Variants in LRP1B observed in about 807,000 individuals in gnomAD.
LRP1B encodes low-density lipoprotein receptor-related protein 1B.
Under a neutral mutation model 556.6 loss-of-function variants are expected in LRP1B, and 217 were observed. The ratio of observed to expected loss-of-function variants is 0.39; its 90% CI spans 0.35 to 0.44. The LOEUF (loss-of-function observed/expected upper bound fraction) is 0.44, where lower values mean the gene tolerates loss of function less well. Ranked by LOEUF, LRP1B falls within the 20% of genes least tolerant of loss-of-function variation. LRP1B has a pLI of 1.00. For missense variants in LRP1B, 5,053 were observed against 5,620.8 expected, an observed-to-expected ratio of 0.90 and a Z score of 3.23; for synonymous variants, 2,047 against 1,865.8, an observed-to-expected ratio of 1.10 and a Z score of -2.50.
intron 8 of LRP1B, among the ~76,000 whole-genome samples, chr2:141,059,277 G>A (rs1468312897): frequency 6.6e-6 from 1 of 151,684 alleles, no homozygotes; most frequent in East Asian, 1.9e-4. Flanking sequence ...CAAATGTAGG[G>A]ACAGAATTGT....
At chr2:140,340,856 A>G (rs931845373) in intron 77 of LRP1B, among the ~76,000 whole-genome samples, 2 of 151,430 alleles carry the variant, frequency 1.3e-5, no homozygotes, top group Admixed American at 6.6e-5. Context: ...TGTGTCTATC[A>G]CCAGTGTTCC....
rs75445717 is a variant in LRP1B at position 140,317,516 on chromosome 2, C to T, written c.12641-2417G>A. 9.5e-3 allele frequency among the ~76,000 whole-genome samples: 1,428 copies of T among 149,714 alleles called. 61 individuals are homozygous for T. The East Asian group carries it at 0.13, about 14-fold the overall frequency. On this transcript the variant is annotated intron_variant, in intron 82 of 90. Transcript: ENST00000389484. ...AAATGGAGGGGTAGTTTTGAGGTGG[C>T]ATACTAAATTGAAGATGCCCTTGCA...
intron 87 of LRP1B, 96 bp downstream of exon 87, chr2:140,246,990 G>A: frequency 3.6e-6 from 3 of 834,490 alleles, no homozygotes; most frequent in Non-Finnish European, 5.8e-6. Context: ...AAAATTCCAT[G>A]AAGAAAGTGT....
intron 3 of LRP1B, among the ~76,000 whole-genome samples, chr2:141,265,170 C>T (rs1684840633): frequency 6.6e-6 from 1 of 152,310 alleles, no homozygotes; most frequent in Non-Finnish European, 1.5e-5. Context: ...CAGATGCTAC[C>T]AATGGAGGGG....
At chr2:141,060,163 A>G (rs1699296488) in intron 8 of LRP1B, among the ~76,000 whole-genome samples, 1 of 151,820 alleles carries the variant, frequency 6.6e-6, no homozygotes, top group South Asian at 2.1e-4. Flanking sequence ...TTTTTAGCAT[A>G]TATGACTCAT....
chr2:141,053,078 C>G (rs1278068086), intron 10 of LRP1B, among the ~76,000 whole-genome samples: 1 of 151,998 alleles, frequency 6.6e-6, no homozygotes, highest in Non-Finnish European at 1.5e-5. Flanking sequence ...CCATTATTTT[C>G]TTTGGTCATT....
chr2:140,443,749 T>C (rs1228031278), intron 65 of LRP1B, among the ~76,000 whole-genome samples: 1 of 152,182 alleles, frequency 6.6e-6, no homozygotes, highest in Non-Finnish European at 1.5e-5. Context: ...TGAATTTTGA[T>C]GGAAGATGGA....
At chr2:140,565,047 G>A (rs1227753598) in intron 43 of LRP1B, among the ~76,000 whole-genome samples, 1 of 142,292 alleles carries the variant, frequency 7.0e-6, no homozygotes, top group Non-Finnish European at 1.6e-5. Flanking sequence ...GAGGAAAAAT[G>A]GAAGCACACT....
chr2:141,285,169 C>T (rs1685659265), intron 3 of LRP1B, among the ~76,000 whole-genome samples: 1 of 149,086 alleles, frequency 6.7e-6, no homozygotes, highest in South Asian at 2.1e-4. Context: ...GCAATCTTGG[C>T]TCACTGCACC....
At position 140,323,976 on chromosome 2, in the gene LRP1B, C is replaced by G. The variant is rs1277239833; in HGVS notation, c.12431G>C (p.Gly4144Ala). ...AGCTAAGTACTCTACTGAACCATGG[C>G]CAAATTTTTGAACTCGAAATACACC... ...KNGVFRVQKF[G>A]HGSVEYLALN... Residue 4144 changes from glycine (G) to alanine (A), a missense_variant, in exon 81 of 91, where the codon GGC (glycine) becomes GCC (alanine). Around this residue, in one of 5 missense-constraint regions of LRP1B, gnomAD observed 551 missense variants for 592.0 expected, o/e 0.93. Coordinates refer to ENST00000389484, the MANE Select transcript of LRP1B (RefSeq NM_018557.3). The G allele has an allele frequency of 1.2e-6, 2 of 1,607,476 alleles. No homozygotes were observed. The highest frequency in any genetic ancestry group is 1.7e-6 in the Non-Finnish European group (2 of 1,174,740).
At chr2:140,840,181 ATTC>A (rs952898758) in intron 30 of LRP1B, 96 bp from the exon 31 acceptor site, 1 of 663,386 alleles carries the variant, frequency 1.5e-6, no homozygotes, top group Admixed American at 3.7e-5. Flanking sequence ...ATCAAAATAT[ATTC>A]TTGACTCAGG....
At chr2:141,706,642 G>A (rs779479467) in intron 2 of LRP1B, among the ~76,000 whole-genome samples, 4 of 152,008 alleles carry the variant, frequency 2.6e-5, no homozygotes, top group Admixed American at 2.0e-4. Context: ...CAGAAGGAAA[G>A]TATTCAAAGG....
chr2:140,399,887 A>C (rs1010296903), intron 66 of LRP1B, among the ~76,000 whole-genome samples: 1 of 152,168 alleles, frequency 6.6e-6, no homozygotes, highest in Non-Finnish European at 1.5e-5. Context: ...GCCCTAACAC[A>C]CTTAGACAGT....
Position 140,357,970 on chromosome 2 carries a change from C to T in LRP1B, c.11395+9G>A, listed in dbSNP as rs1356408462. 6.2e-7 allele frequency: 1 copy of T among 1,602,404 alleles called. No individual in the cohort carries two copies. Among genetic ancestry groups the T allele is most frequent in the Non-Finnish European group, 8.5e-7 (1 of 1,172,060 alleles). On this transcript the variant is annotated intron_variant, in intron 74 of 90. Transcript: ENST00000389484. ...TCCCGGTGCTTTGCTTAACAGAAAA[C>T]AAGCTCACCTATTCTGCATCCTTGC...
intron 15 of LRP1B, among the ~76,000 whole-genome samples, chr2:141,004,509 T>G (rs527847301): frequency 6.6e-6 from 1 of 152,206 alleles, no homozygotes; most frequent in East Asian, 1.9e-4. Context: ...TTGGACCAGA[T>G]GTACACCATG....
chr2:142,013,910 T>A lies in LRP1B; in HGVS notation c.82+116738A>T, dbSNP rs553508714. Among the ~76,000 whole-genome samples, 4 of 152,294 alleles carry A rather than the reference T, an allele frequency of 2.6e-5. No individual in the cohort carries two copies. In the East Asian group the frequency reaches 7.7e-4, roughly 29 times the overall value. On this transcript the variant is annotated intron_variant, in intron 1 of 90. Coordinates refer to ENST00000389484, the MANE Select transcript of LRP1B (RefSeq NM_018557.3). Reference sequence around the variant, plus strand: ...CTAGATGTTTAATGGAATGAATTAATGTTTACTAAACAGATCTAAACTTGG... The same window carrying A: ...CTAGATGTTTAATGGAATGAATTAAAGTTTACTAAACAGATCTAAACTTGG...
At chr2:141,729,147 T>C (rs570560221) in intron 2 of LRP1B, among the ~76,000 whole-genome samples, 3 of 152,300 alleles carry the variant, frequency 2.0e-5, no homozygotes, top group African/African-American at 7.2e-5. Flanking sequence ...CATTAGGAGC[T>C]GTGTTAAGAC....
At position 141,048,889 on chromosome 2, in the gene LRP1B, G is replaced by A. The variant is rs1431815779; in HGVS notation, c.1789+97C>T. The A allele has an allele frequency of 3.3e-6, 3 of 900,410 alleles. No individual in the cohort carries two copies. In the African/African-American group the frequency reaches 5.0e-5, roughly 15 times the overall value. The allele number at this position is 900,410 out of a possible 1,614,324, so 55.8% of individuals were successfully genotyped here. ...ATTTTTGAACCAACCAGAAGAACTT[G>A]AGTTCTGGTTAAAGCTAGTCTGACA... On this transcript the variant is annotated intron_variant, in intron 11 of 90. Transcript: ENST00000389484.
chr2:140,890,544 T>C (rs1693768805), intron 23 of LRP1B, among the ~76,000 whole-genome samples: 1 of 152,126 alleles, frequency 6.6e-6, no homozygotes, highest in Non-Finnish European at 1.5e-5. Flanking sequence ...GTTTGATAAA[T>C]ATTTACTGAA....
Sources: allele counts gnomAD v4.1 joint callset (sites outside exome capture counted in the v4.1 genomes callset), GRCh38; gene constraint gnomAD v4.1.1; regional missense constraint gnomAD v4.1.1; transcripts MANE v1.5; gene names NCBI Gene and HGNC (gene_info 2026-07-23, HGNC 2026-07-21).